Variants in GPBP1L1 observed in about 807,000 individuals in gnomAD.
The protein encoded by GPBP1L1 is vasculin-like protein 1.
Under a neutral mutation model 52.5 loss-of-function variants are expected in GPBP1L1, and 23 were observed. The observed-to-expected ratio is 0.44, with a 90% CI of 0.32 to 0.62. The LOEUF is 0.62. GPBP1L1 is among the 20% of genes least tolerant of loss of function. The pLI, the probability that GPBP1L1 is intolerant of heterozygous loss-of-function variation, is 0.06. For synonymous variants in GPBP1L1, 243 were observed against 203.1 expected, an observed-to-expected ratio of 1.20 and a Z score of -1.67; for missense variants, 596 against 579.3, an observed-to-expected ratio of 1.03 and a Z score of -0.30.
At chr1:45,630,340 C>G (rs998107660) in intron 11 of GPBP1L1, 142 bp downstream of exon 11, 2 of 916,822 alleles carry the variant, frequency 2.2e-6, no homozygotes, top group Non-Finnish European at 1.6e-6. Flanking sequence ...ACAGGCCAAC[C>G]TGGGGCATAC....
chr1:45,638,815 T>A (rs911416646), intron 8 of GPBP1L1, among the ~76,000 whole-genome samples: 2 of 152,152 alleles, frequency 1.3e-5, no homozygotes, highest in Non-Finnish European at 2.9e-5. Context: ...AGAAAATTAT[T>A]CACAGAGAGG....
chr1:45,647,896 G>A (rs1049067466), intron 6 of GPBP1L1, among the ~76,000 whole-genome samples: 2 of 152,112 alleles, frequency 1.3e-5, no homozygotes, highest in Non-Finnish European at 2.9e-5. Context: ...TAGCCCTAAG[G>A]GTAGTGGCTG....
At chr1:45,670,882 T>A (rs1234514738) in intron 2 of GPBP1L1, among the ~76,000 whole-genome samples, 2 of 142,008 alleles carry the variant, frequency 1.4e-5, no homozygotes, top group African/African-American at 2.6e-5. Flanking sequence ...AAGCTCCGCC[T>A]CCCAGGTTCA....
intron 11 of GPBP1L1, among the ~76,000 whole-genome samples, chr1:45,630,082 C>T (rs1177381143): frequency 1.3e-5 from 2 of 152,054 alleles, no homozygotes; most frequent in African/African-American, 2.4e-5. Flanking sequence ...TCCCTAGTAG[C>T]TGGAATTACA....
chr1:45,680,235 CTTTTTT>C (rs58188753), intron 2 of GPBP1L1, among the ~76,000 whole-genome samples: 4 of 130,144 alleles, frequency 3.1e-5, no homozygotes, highest in South Asian at 4.8e-4. Flanking sequence ...TTGAGACACG[CTTTTTT>C]TTTTTTTTTT....
At chr1:45,673,221 G>A (rs771964263) in intron 2 of GPBP1L1, among the ~76,000 whole-genome samples, 1 of 152,170 alleles carries the variant, frequency 6.6e-6, no homozygotes, top group African/African-American at 2.4e-5. Context: ...CTAATGCAAT[G>A]AGAGCTTGGA....
intron 3 of GPBP1L1, 50 bp from the exon 4 acceptor site, chr1:45,659,192 A>T (rs1644918402): frequency 9.3e-7 from 1 of 1,077,620 alleles, no homozygotes; most frequent in African/African-American, 1.6e-5. Flanking sequence ...ATCTGATACC[A>T]ATGTGTAAAG....
chr1:45,665,135 C>T (rs553249310), intron 2 of GPBP1L1, among the ~76,000 whole-genome samples: 171 of 152,052 alleles, frequency 1.1e-3, no homozygotes, highest in Admixed American at 2.1e-3. Context: ...ACTATAAATA[C>T]AAAAATTCGC....
At chr1:45,643,583 A>G (rs1217978553) in intron 6 of GPBP1L1, among the ~76,000 whole-genome samples, 1 of 150,848 alleles carries the variant, frequency 6.6e-6, no homozygotes, top group Non-Finnish European at 1.5e-5. Flanking sequence ...GCAATAGACT[A>G]GACTTAATAA....
At chr1:45,658,806 T>C (rs2148479166) in intron 4 of GPBP1L1, 1 of 501,772 alleles carries the variant, frequency 2.0e-6, no homozygotes, top group East Asian at 3.3e-5. Context: ...CAGGGCGTGG[T>C]GGTACACAGC....
intron 2 of GPBP1L1, among the ~76,000 whole-genome samples, chr1:45,661,729 G>A (rs1196820417): frequency 2.0e-5 from 3 of 152,022 alleles, no homozygotes; most frequent in African/African-American, 7.2e-5. Context: ...CTGGGATTAC[G>A]TGAGTGACCC....
In GPBP1L1 at chr1:45,660,466, A is replaced by T; in HGVS notation, c.-338T>A. 1 of 971,888 alleles carries T rather than the reference A, an allele frequency of 1.0e-6. No homozygotes were observed. Among genetic ancestry groups the T allele is most frequent in the East Asian group, 1.1e-4 (1 of 8,730 alleles). The allele number at this position is 971,888 out of a possible 1,614,324, so 60.2% of individuals were successfully genotyped here. A position where few individuals can be genotyped will look rare whatever the true frequency, so the allele number is the denominator to read the frequency against. ...TTTGTTACATTTAAAAAGGGGGGGA[A>T]GGGGAAAGAGCTGTATCTATGTTCA... On this transcript the variant is annotated 5_prime_UTR_variant, in exon 3 of 13. Transcript: ENST00000355105.
chr1:45,657,992 A>C (rs959680486), intron 4 of GPBP1L1, among the ~76,000 whole-genome samples: 3 of 152,174 alleles, frequency 2.0e-5, no homozygotes, highest in African/African-American at 7.2e-5. Flanking sequence ...AATGCCTACC[A>C]ATTTCATCCT....
chr1:45,633,706 C>G, intron 9 of GPBP1L1, 59 bp from the exon 10 acceptor site: 1 of 1,545,638 alleles, frequency 6.5e-7, no homozygotes, highest in Non-Finnish European at 8.8e-7. Flanking sequence ...CTGGGGTTCT[C>G]TTCTACTAAG....
chr1:45,629,454 T>TCCCCCCCCCCCCCCCCCCCCCCC (rs374490837), intron 12 of GPBP1L1, 122 bp downstream of exon 12: 2 of 117,288 alleles, frequency 1.7e-5, no homozygotes, highest in African/African-American at 1.0e-4. Context: ...ACTAAGGTAA[T>TCCCCCCCCCCCCCCCCCCCCCCC]CCCCCCCCCC....
intron 2 of GPBP1L1, among the ~76,000 whole-genome samples, chr1:45,680,905 A>C (rs1645204992): frequency 6.6e-6 from 1 of 152,202 alleles, no homozygotes; most frequent in South Asian, 2.1e-4. Context: ...GGTAGAAAAT[A>C]GGGAAAAAAA....
At chr1:45,637,802 TA>T (rs1644615543) in intron 8 of GPBP1L1, among the ~76,000 whole-genome samples, 1 of 152,198 alleles carries the variant, frequency 6.6e-6, no homozygotes, top group South Asian at 2.1e-4. Flanking sequence ...GGCAGGTTGG[TA>T]ACAATAGCTA....
At chr1:45,647,166 A>ATTTTTTTTTT (rs778113669) in intron 6 of GPBP1L1, among the ~76,000 whole-genome samples, 3 of 112,640 alleles carry the variant, frequency 2.7e-5, no homozygotes, top group Admixed American at 1.9e-4. Flanking sequence ...ACTTCTTAGG[A>ATTTTTTTTTT]TTTTTTTTTT....
intron 4 of GPBP1L1, chr1:45,658,702 G>A: frequency 3.4e-6 from 1 of 298,428 alleles, no homozygotes; most frequent in Non-Finnish European, 6.2e-6. Flanking sequence ...AGTCCAGGTA[G>A]GCGGATCACT....
Sources: gnomAD v4.1 joint callset for allele counts (sites outside exome capture counted in the v4.1 genomes callset) on GRCh38, gnomAD v4.1.1 for gene constraint, MANE v1.5 for transcripts, NCBI Gene and HGNC (gene_info 2026-07-23, HGNC 2026-07-21) for gene names.